The following MAPK10 variants were observed in gnomAD, a reference collection of about 807,000 sequenced individuals.
MAPK10 encodes mitogen-activated protein kinase 10.
MAPK10 carries 25 observed loss-of-function variants against 59.3 expected under a neutral mutation model. That is an observed-to-expected ratio of 0.42 (90% confidence interval 0.31 to 0.59). The LOEUF is 0.59. Ranked by LOEUF, MAPK10 falls within the 20% of genes least tolerant of loss-of-function variation. The pLI is 0.15. For missense variants in MAPK10, 351 were observed against 568.9 expected, an observed-to-expected ratio of 0.62 and a Z score of 3.90; for synonymous variants, 190 against 200.5, an observed-to-expected ratio of 0.95 and a Z score of 0.44.
intron 2 of MAPK10, among the ~76,000 whole-genome samples, chr4:86,255,527 C>T (rs2093668463): frequency 6.6e-6 from 1 of 152,160 alleles, no homozygotes; most frequent in African/African-American, 2.4e-5. Context: ...TGCCCGTAAG[C>T]AGTGCTAGGC....
chr4:86,456,677 C>CA (rs966475332), upstream of MAPK10, among the ~76,000 whole-genome samples: 46 of 151,598 alleles, frequency 3.0e-4, no homozygotes, highest in Non-Finnish European at 4.6e-4. Context: ...AAATTACCAA[C>CA]AAAAAAAAGT....
At chr4:86,563,378 A>T (rs980831763) in intron 1 of MAPK10, among the ~76,000 whole-genome samples, 1 of 152,232 alleles carries the variant, frequency 6.6e-6, no homozygotes, top group Non-Finnish European at 1.5e-5. Context: ...AGGTGAAATC[A>T]TTGTGAAAAT....
intron 2 of MAPK10, among the ~76,000 whole-genome samples, chr4:86,263,257 G>T (rs747878480): frequency 1.3e-4 from 20 of 152,080 alleles, no homozygotes; most frequent in Admixed American, 2.6e-4. Flanking sequence ...TCCTGAAATT[G>T]CCAAATGTAA....
chr4:86,536,929 C>T (rs1313278760), intron 1 of MAPK10, among the ~76,000 whole-genome samples: 1 of 152,062 alleles, frequency 6.6e-6, no homozygotes, highest in Non-Finnish European at 1.5e-5. Flanking sequence ...TAGGCATTTG[C>T]AGCAGGATAG....
intron 2 of MAPK10, among the ~76,000 whole-genome samples, chr4:86,200,458 T>C (rs1207618433): frequency 1.3e-5 from 2 of 151,994 alleles, no homozygotes; most frequent in East Asian, 3.9e-4. Context: ...CAGCAAAATG[T>C]CTTTAGTATT....
At position 86,194,896 on chromosome 4, in the gene MAPK10, G is replaced by A. The variant is rs910983557; in HGVS notation, c.-6-489C>T. ...AAATTTTTCAAACATGATATTGACCGAGAAGAAAAGCAGTTTGTAACAGAT... is the reference window on the plus strand; with the variant it reads ...AAATTTTTCAAACATGATATTGACCAAGAAGAAAAGCAGTTTGTAACAGAT... On this transcript the variant is annotated intron_variant, in intron 2 of 13. Coordinates refer to ENST00000641462, the MANE Select transcript of MAPK10 (RefSeq NM_138982.4). Among the ~76,000 whole-genome samples the A allele has an allele frequency of 3.3e-5, 5 of 151,764 alleles. No homozygotes were observed. In the East Asian group the frequency reaches 5.8e-4, roughly 18 times the overall value.
At chr4:86,440,022 G>A (rs1167939581) in intron 1 of MAPK10, among the ~76,000 whole-genome samples, 1 of 152,070 alleles carries the variant, frequency 6.6e-6, no homozygotes, top group African/African-American at 2.4e-5. Context: ...AAAGCTGAGT[G>A]GGAATACAAA....
At chr4:86,358,314 T>TAGCC in intron 1 of MAPK10, 1 of 985,436 alleles carries the variant, frequency 1.0e-6, no homozygotes, top group South Asian at 4.7e-5. Context: ...GTCCGACAAC[T>TAGCC]AGCCGATGAG....
At chr4:86,560,658 T>C (rs1435116167) in intron 1 of MAPK10, among the ~76,000 whole-genome samples, 2 of 152,232 alleles carry the variant, frequency 1.3e-5, no homozygotes. Flanking sequence ...AGTAATACAT[T>C]GGCAATTCCC....
intron 2 of MAPK10, among the ~76,000 whole-genome samples, chr4:86,232,539 A>G (rs559935559): frequency 6.6e-6 from 1 of 152,080 alleles, no homozygotes; most frequent in South Asian, 2.1e-4. Flanking sequence ...ACGCCCAGCT[A>G]ATTTTTTGTA....
intron 1 of MAPK10, among the ~76,000 whole-genome samples, chr4:86,485,519 T>C (rs1004582979): frequency 2.0e-5 from 3 of 152,122 alleles, no homozygotes; most frequent in African/African-American, 4.8e-5. Flanking sequence ...ATCAGATGAA[T>C]TGTGAAAGAA....
intron 2 of MAPK10, among the ~76,000 whole-genome samples, chr4:86,252,526 ATCTATATC>A (rs2093502812): frequency 7.0e-6 from 1 of 142,518 alleles, no homozygotes; most frequent in Non-Finnish European, 1.5e-5. Flanking sequence ...TGTTCCATTG[ATCTATATC>A]TCTGTTTTGG....
chr4:86,175,195 AATTTC>A (rs1167193829), intron 3 of MAPK10, among the ~76,000 whole-genome samples: 2 of 152,102 alleles, frequency 1.3e-5, no homozygotes, highest in Non-Finnish European at 2.9e-5. Context: ...GGAAAGTAAA[AATTTC>A]ATTTGGGAAT....
chr4:86,218,542 A>T (rs1449150275), intron 2 of MAPK10, among the ~76,000 whole-genome samples: 1 of 147,220 alleles, frequency 6.8e-6, no homozygotes, highest in Non-Finnish European at 1.5e-5. Context: ...ATCATAACAC[A>T]TATGGGCATA....
intron 13 of MAPK10, chr4:86,027,353 A>T (rs1390430419): frequency 6.6e-6 from 1 of 152,222 alleles, no homozygotes; most frequent in Non-Finnish European, 1.5e-5. Context: ...CCTAAGTTGC[A>T]TATTTTAGAA....
intron 4 of MAPK10, among the ~76,000 whole-genome samples, chr4:86,116,979 A>G (rs1048999465): frequency 2.0e-5 from 3 of 152,242 alleles, no homozygotes; most frequent in African/African-American, 7.2e-5. Flanking sequence ...CATATCTGCT[A>G]ATCAGTAGTT....
intron 1 of MAPK10, among the ~76,000 whole-genome samples, chr4:86,448,447 G>T (rs1417308376): frequency 6.6e-6 from 1 of 151,538 alleles, no homozygotes; most frequent in Non-Finnish European, 1.5e-5. Flanking sequence ...AGAAATGTCA[G>T]TTTTGTAATA....
intron 2 of MAPK10, among the ~76,000 whole-genome samples, chr4:86,318,178 G>T (rs563299538): frequency 6.6e-6 from 1 of 152,136 alleles, no homozygotes; most frequent in East Asian, 1.9e-4. Context: ...ACATCCATAG[G>T]TTTCTGGTGG....
At chr4:86,559,413 G>T (rs1760503724) in intron 1 of MAPK10, among the ~76,000 whole-genome samples, 1 of 151,876 alleles carries the variant, frequency 6.6e-6, no homozygotes, top group Non-Finnish European at 1.5e-5. Context: ...ATGCTGTTTG[G>T]TTTTCTTATG....
Sources: gnomAD v4.1 joint callset for allele counts (sites outside exome capture counted in the v4.1 genomes callset) on GRCh38, gnomAD v4.1.1 for gene constraint, MANE v1.5 for transcripts, NCBI Gene and HGNC (gene_info 2026-07-23, HGNC 2026-07-21) for gene names.